Variants in GOLIM4 observed in about 807,000 individuals in gnomAD.
The protein encoded by GOLIM4 is 130 kDa golgi-localized phosphoprotein.
Under a neutral mutation model 107.4 loss-of-function variants are expected in GOLIM4, and 71 were observed. The ratio of observed to expected loss-of-function variants is 0.66; its 90% confidence interval spans 0.55 to 0.81. GOLIM4 has a LOEUF of 0.81. GOLIM4 is among the 30% of genes least tolerant of loss of function. The pLI, the probability that GOLIM4 is intolerant of heterozygous loss-of-function variation, is 0.00. For synonymous variants in GOLIM4, 327 were observed against 294.8 expected (o/e 1.11, Z -1.12); for missense variants, 830 against 826.1 (o/e 1.00, Z -0.06).
At chr3:168,033,476 G>A (rs1018789058) in intron 8 of GOLIM4, among the ~76,000 whole-genome samples, 12 of 151,256 alleles carry the variant, frequency 7.9e-5, no homozygotes, top group African/African-American at 2.2e-4. Context: ...GCGTGGTGGC[G>A]GGCGCCTGTA....
At chr3:168,067,987 T>A (rs1003308705) in intron 1 of GOLIM4, among the ~76,000 whole-genome samples, 1 of 152,122 alleles carries the variant, frequency 6.6e-6, no homozygotes, top group South Asian at 2.1e-4. Flanking sequence ...AACCAGAGTA[T>A]ATTAATATTT....
intron 9 of GOLIM4, among the ~76,000 whole-genome samples, chr3:168,030,982 T>C (rs1338098283): frequency 6.6e-6 from 1 of 152,118 alleles, no homozygotes; most frequent in Non-Finnish European, 1.5e-5. Flanking sequence ...AACGGATGAA[T>C]GGATAAAGAA....
intron 2 of GOLIM4, 39 bp downstream of exon 2, chr3:168,048,252 A>G (rs1321277389): frequency 1.9e-6 from 2 of 1,033,618 alleles, no homozygotes; most frequent in South Asian, 2.8e-5. Flanking sequence ...AAAGAAGAGT[A>G]CTGGAAAAAC....
chr3:168,092,506 G>A (rs1020881952), intron 1 of GOLIM4, among the ~76,000 whole-genome samples: 1 of 152,142 alleles, frequency 6.6e-6, no homozygotes, highest in Middle Eastern at 3.4e-3. Context: ...ACCTAAATAC[G>A]CTCACTTAAC....
chr3:168,010,713 G>A (rs1433742583), intron 15 of GOLIM4, 30 bp downstream of exon 15: 1 of 1,476,252 alleles, frequency 6.8e-7, no homozygotes, highest in Non-Finnish European at 9.5e-7. Flanking sequence ...ACACTCAAGT[G>A]CTCAATAGAA....
chr3:168,052,214 C>T (rs1178496751), intron 1 of GOLIM4, among the ~76,000 whole-genome samples: 1 of 152,080 alleles, frequency 6.6e-6, no homozygotes, highest in Non-Finnish European at 1.5e-5. Context: ...CTGCCTGGCA[C>T]AGAGTAAACA....
chr3:168,049,654 C>T (rs1210873219), intron 1 of GOLIM4, among the ~76,000 whole-genome samples: 1 of 152,104 alleles, frequency 6.6e-6, no homozygotes, highest in Admixed American at 6.5e-5. Flanking sequence ...ACAGAACAGC[C>T]CCAACACTAC....
chr3:168,093,436 G>A (rs779388212), intron 1 of GOLIM4, among the ~76,000 whole-genome samples: 1 of 152,292 alleles, frequency 6.6e-6, no homozygotes, highest in East Asian at 1.9e-4. Flanking sequence ...TGGTGAAAAT[G>A]ACAGCCTTTG....
chr3:168,050,880 A>G (rs1451620527), intron 1 of GOLIM4, among the ~76,000 whole-genome samples: 1 of 149,352 alleles, frequency 6.7e-6, no homozygotes, highest in East Asian at 2.0e-4. Context: ...AAAACCTAGC[A>G]GCATAGTCAA....
At chr3:168,060,100 G>GTTTTT (rs111922454) in intron 1 of GOLIM4, among the ~76,000 whole-genome samples, 3 of 145,672 alleles carry the variant, frequency 2.1e-5, no homozygotes, top group Non-Finnish European at 1.5e-5. Flanking sequence ...CCATTAGAGA[G>GTTTTT]TTTTTTTTTT....
At chr3:168,060,938 AC>A (rs377134076) in intron 1 of GOLIM4, among the ~76,000 whole-genome samples, 26,336 of 152,100 alleles carry the variant, frequency 0.17, 2,467 homozygotes, top group Middle Eastern at 0.23. Flanking sequence ...TGTAAAATTA[AC>A]TTTGTATGTG....
chr3:168,078,757 A>G (rs1378647812), intron 1 of GOLIM4, among the ~76,000 whole-genome samples: 1 of 152,194 alleles, frequency 6.6e-6, no homozygotes, highest in African/African-American at 2.4e-5. Flanking sequence ...ATAAATAAAT[A>G]ATCATTTTTA....
chr3:168,093,184 C>T (rs1721994617), intron 1 of GOLIM4, among the ~76,000 whole-genome samples: 1 of 152,178 alleles, frequency 6.6e-6, no homozygotes, highest in Non-Finnish European at 1.5e-5. Context: ...ATTAGGGCCT[C>T]AGTCAACAAT....
intron 14 of GOLIM4, among the ~76,000 whole-genome samples, chr3:168,023,598 G>C (rs1052398836): frequency 1.3e-5 from 2 of 152,184 alleles, no homozygotes; most frequent in Admixed American, 1.3e-4. Context: ...TCTGCCATAT[G>C]TCCATCCTCC....
intron 1 of GOLIM4, among the ~76,000 whole-genome samples, chr3:168,075,896 T>C (rs1156402067): frequency 6.6e-6 from 1 of 152,200 alleles, no homozygotes; most frequent in Non-Finnish European, 1.5e-5. Context: ...GGTGATCTTC[T>C]AAAGGCCAAT....
At chr3:168,048,785 A>C (rs1366780498) in intron 1 of GOLIM4, among the ~76,000 whole-genome samples, 1 of 152,132 alleles carries the variant, frequency 6.6e-6, no homozygotes, top group African/African-American at 2.4e-5. Flanking sequence ...CTAGAAGGGT[A>C]TTTTCTCCTA....
At position 168,027,670 on chromosome 3, in the gene GOLIM4, ACT is replaced by A. The variant is rs968629006; in HGVS notation, c.1623+56_1623+57del. On this transcript the variant is annotated intron_variant, in intron 12 of 15. Transcript: ENST00000470487. Reference sequence around the variant, plus strand: ...AAGGCTGGCATCAGGCAAGTTTTCAACTCTCTTTCCCACCTTATGAGTTTACA... The same window carrying A: ...AAGGCTGGCATCAGGCAAGTTTTCAACTCTTTCCCACCTTATGAGTTTACA... 205 of 1,049,084 alleles carry A rather than the reference ACT, an allele frequency of 2.0e-4. 1 individual carries two copies. The highest frequency in any genetic ancestry group is 4.0e-4 in the Admixed American group (22 of 55,224). The allele number at this position is 1,049,084 out of a possible 1,614,324, so 65.0% of individuals were successfully genotyped here.
chr3:168,016,580 G>A (rs1219330849), intron 14 of GOLIM4, among the ~76,000 whole-genome samples: 2 of 133,306 alleles, frequency 1.5e-5, no homozygotes, highest in East Asian at 4.0e-4. Flanking sequence ...CTGCTATAAA[G>A]ACACATGCAC....
intron 8 of GOLIM4, among the ~76,000 whole-genome samples, chr3:168,033,604 C>T (rs1718464078): frequency 3.4e-5 from 1 of 29,776 alleles, no homozygotes; most frequent in Non-Finnish European, 6.3e-5. Flanking sequence ...AAGACTCCGT[C>T]TCAAAAAAAA....
Sources: allele counts gnomAD v4.1 joint callset (sites outside exome capture counted in the v4.1 genomes callset), GRCh38; gene constraint gnomAD v4.1.1; transcripts MANE v1.5; gene names NCBI Gene and HGNC (gene_info 2026-07-23, HGNC 2026-07-21).